HDGFL2: variants seen among roughly 807,000 people sequenced by gnomAD.
HDGFL2 encodes hepatoma-derived growth factor-related protein 2.
Under a neutral mutation model 77.1 loss-of-function variants are expected in HDGFL2, and 36 were observed. The ratio of observed to expected loss-of-function variants is 0.47; its 90% CI spans 0.36 to 0.62. The LOEUF (loss-of-function observed/expected upper bound fraction) is 0.62, where lower values mean the gene tolerates loss of function less well. HDGFL2 is among the 20% of genes least tolerant of loss of function. The pLI, the probability that HDGFL2 is intolerant of heterozygous loss-of-function variation, is 0.00. For missense variants in HDGFL2, 976 were observed against 973.4 expected (o/e 1.00, Z -0.04); for synonymous variants, 463 against 413.1 (o/e 1.12, Z -1.46).
intron 7 of HDGFL2, 42 bp downstream of exon 7, chr19:4,493,904 CCG>C: frequency 1.3e-6 from 2 of 1,516,692 alleles, no homozygotes; most frequent in Non-Finnish European, 1.8e-6. Flanking sequence ...CTGGCCCCTG[CCG>C]GGGCGCTCCC....
chr19:4,486,525 CA>C (rs570362970), intron 3 of HDGFL2: 5,315 of 114,208 alleles, frequency 0.047, 103 homozygotes, highest in Non-Finnish European at 0.061. Flanking sequence ...AATTCCATCT[CA>C]AAAAAAAAAA....
rs564004440 is a variant in HDGFL2, at chr19:4,473,724, C to T, written c.72+1302C>T. On this transcript the variant is annotated intron_variant, in intron 1 of 15. Transcript: ENST00000616600. Reference sequence around the variant, plus strand: ...GGAATGGGGCTCGGGGCTCTGTTCACGGGGTCACTGGGACTCGGGGAACTG... The same window carrying T: ...GGAATGGGGCTCGGGGCTCTGTTCATGGGGTCACTGGGACTCGGGGAACTG... Among the ~76,000 whole-genome samples the T allele has an allele frequency of 3.2e-4, 49 of 151,112 alleles. No homozygotes were observed. The South Asian group carries it at 8.4e-3, about 26-fold the overall frequency.
chr19:4,491,097 A>G (rs1975494573), intron 4 of HDGFL2, among the ~76,000 whole-genome samples: 1 of 152,108 alleles, frequency 6.6e-6, no homozygotes, highest in African/African-American at 2.4e-5. Flanking sequence ...GGTGTGAGCC[A>G]CCGTGCCTGG....
chr19:4,501,676 G>A, intron 15 of HDGFL2: 1 of 500,414 alleles, frequency 2.0e-6, no homozygotes. Flanking sequence ...AAGGCTCAGT[G>A]GAGTCACTCA....
intron 6 of HDGFL2, 77 bp downstream of exon 6, chr19:4,491,912 G>C (rs1975526198): frequency 5.9e-6 from 8 of 1,359,562 alleles, no homozygotes; most frequent in Non-Finnish European, 8.3e-6. Flanking sequence ...CCCCAGGGCA[G>C]GGCGGGCCAT....
chr19:4,481,761 GT>G (rs1568206124), intron 3 of HDGFL2, among the ~76,000 whole-genome samples: 1 of 151,948 alleles, frequency 6.6e-6, no homozygotes, highest in Non-Finnish European at 1.5e-5. Flanking sequence ...CCGGCCCTCA[GT>G]TTCCTCATCT....
intron 3 of HDGFL2, among the ~76,000 whole-genome samples, chr19:4,483,303 G>A (rs58369475): frequency 0.024 from 3,625 of 152,248 alleles, 146 homozygotes; most frequent in African/African-American, 0.082. Context: ...CTGCGGCTGT[G>A]CGCACGGAGG....
intron 3 of HDGFL2, among the ~76,000 whole-genome samples, chr19:4,484,664 TAA>T (rs1975313430): frequency 9.2e-6 from 1 of 108,378 alleles, no homozygotes; most frequent in Admixed American, 1.0e-4. Flanking sequence ...CACGCCTGGC[TAA>T]TTTTTTTTTT....
At position 4,493,822 on chromosome 19, in the gene HDGFL2, C is replaced by G; in HGVS notation, c.798C>G (p.Ser266=). 1.3e-6 allele frequency: 2 copies of G among 1,533,324 alleles called. No individual in the cohort carries two copies. Among genetic ancestry groups the G allele is most frequent in the Non-Finnish European group, 8.8e-7 (1 of 1,136,442 alleles). 95.0% of individuals were successfully genotyped at this position (1,533,324 alleles called of 1,614,324 possible). ...CCTCTTCCTCCTCCTCCTCCGACTC[C>G]GATGTGTCTGTGAAGAAGCCTCCGA... is the stretch of plus-strand genomic sequence containing the variant. ...SSSSSSSSSD[S]DVSVKKPPRG... is the part of the protein sequence containing the mutation. The change falls in exon 7 of 16, where the codon TCC becomes TCG. Residue 266 remains serine, a synonymous_variant. Transcript: ENST00000616600.
At chr19:4,481,477 A>G (rs1315927085) in intron 3 of HDGFL2, among the ~76,000 whole-genome samples, 2 of 150,304 alleles carry the variant, frequency 1.3e-5, no homozygotes, top group African/African-American at 4.9e-5. Flanking sequence ...GGCTTGAGCC[A>G]CCGCGCCCGG....
At chr19:4,493,617 G>A (rs2035397051) in intron 6 of HDGFL2, 86 bp from the exon 7 acceptor site, 2 of 1,299,274 alleles carry the variant, frequency 1.5e-6, no homozygotes, top group African/African-American at 1.5e-5. Flanking sequence ...GCGGCTGCAG[G>A]GGTGCGGGAG....
intron 6 of HDGFL2, among the ~76,000 whole-genome samples, chr19:4,492,742 TTG>T (rs1975554110): frequency 7.5e-6 from 1 of 133,854 alleles, no homozygotes; most frequent in African/African-American, 2.9e-5. Flanking sequence ...TGTATGTGTG[TTG>T]GGTGTTTGTG....
intron 3 of HDGFL2, among the ~76,000 whole-genome samples, chr19:4,477,289 C>T (rs961289537): frequency 2.0e-4 from 30 of 152,152 alleles, no homozygotes; most frequent in Admixed American, 2.0e-3. Context: ...TCTGGGAGCT[C>T]ATGGTCCAGA....
At chr19:4,474,462 A>G (rs1371815936) in intron 1 of HDGFL2, among the ~76,000 whole-genome samples, 2 of 152,044 alleles carry the variant, frequency 1.3e-5, no homozygotes, top group African/African-American at 4.8e-5. Context: ...AGTAGCTCTG[A>G]GGAGACCCAA....
At position 4,498,375 on chromosome 19, in the gene HDGFL2, C is replaced by T. The variant is rs770437093; in HGVS notation, c.1472C>T (p.Pro491Leu). The change falls in exon 12 of 16, where the codon CCG becomes CTG. Residue 491 changes from proline (P) to leucine (L), a missense_variant and splice_region_variant. Pro to Leu is a moderately conservative substitution (Grantham distance 98). Around this residue, in one of 5 missense-constraint regions of HDGFL2, gnomAD observed 46 missense variants for 81.3 expected, o/e 0.57. Transcript: ENST00000616600. The stretch of plus-strand genomic sequence containing the variant: ...AAGTTTGCCCTAAAGGTCGACAGCC[C>T]GGTAAGACCCTCAGGGCCTGTGAGC... ...EIKFALKVDS[P>L]DVKRCLNALE... 2 of 1,612,204 alleles carry T rather than the reference C, an allele frequency of 1.2e-6. No homozygotes were observed. The highest frequency in any genetic ancestry group is 8.5e-7 in the Non-Finnish European group (1 of 1,178,608).
intron 4 of HDGFL2, 95 bp downstream of exon 4, chr19:4,488,971 T>C (rs1975436416): frequency 2.5e-6 from 2 of 803,352 alleles, no homozygotes; most frequent in Admixed American, 2.8e-5. Flanking sequence ...TTTTTTTTTT[T>C]GAGACAAGGT....
intron 10 of HDGFL2, among the ~76,000 whole-genome samples, 160 bp downstream of exon 10, chr19:4,496,565 C>T (rs971914305): frequency 2.6e-5 from 4 of 152,184 alleles, no homozygotes; most frequent in Non-Finnish European, 5.9e-5. Flanking sequence ...GCGTAGGAAT[C>T]GCTGCTGCGG....
intron 3 of HDGFL2, among the ~76,000 whole-genome samples, chr19:4,481,986 C>T (rs1476583549): frequency 6.6e-6 from 1 of 150,588 alleles, no homozygotes; most frequent in South Asian, 2.1e-4. Flanking sequence ...CTGTTCCCCT[C>T]ACTCTCAGCC....
intron 3 of HDGFL2, among the ~76,000 whole-genome samples, chr19:4,485,584 CA>C (rs911959191): frequency 6.7e-6 from 1 of 150,284 alleles, no homozygotes; most frequent in Admixed American, 6.6e-5. Context: ...TAAAAAAATA[CA>C]AAAAAAATTA....
Sources: gnomAD v4.1 joint callset for allele counts (sites outside exome capture counted in the v4.1 genomes callset) on GRCh38, gnomAD v4.1.1 for gene constraint, gnomAD v4.1.1 regional missense constraint, MANE v1.5 for transcripts, NCBI Gene and HGNC (gene_info 2026-07-23, HGNC 2026-07-21) for gene names.